VPS13C: variants seen among roughly 807,000 people sequenced by gnomAD.
VPS13C encodes intermembrane lipid transfer protein VPS13C.
A neutral mutation model predicts 456.8 loss-of-function variants in VPS13C; 358 were observed. The ratio of observed to expected loss-of-function variants is 0.78; its 90% CI spans 0.72 to 0.86. The LOEUF is 0.86. Ranked by LOEUF, VPS13C falls within the 40% of genes least tolerant of loss-of-function variation. The probability of loss-of-function intolerance (pLI) is 0.00; values close to 1 mark genes in which losing one functional copy is unlikely to be tolerated. For missense variants in VPS13C, 4,818 were observed against 4,385.4 expected (o/e 1.10, Z -2.79); for synonymous variants, 1,578 against 1,486.7 (o/e 1.06, Z -1.41).
At position 61,890,175 on chromosome 15, in the gene VPS13C, C is replaced by T; in HGVS notation, c.9331G>A (p.Gly3111Arg). The change falls in exon 67 of 85, where the codon GGG becomes AGG. Residue 3111 changes from glycine to arginine, a missense_variant. Transcript: ENST00000644861. Reference protein sequence around the residue: ...NESKQEVSYIGITSSGVVWEV... With the variant: ...NESKQEVSYIRITSSGVVWEV... ...TTCCTTCTTGCATACCTGGTTATCC[C>T]AATATAGGAAACTTCCTGCTTGCTT... is the stretch of plus-strand genomic sequence containing the variant. The T allele has an allele frequency of 6.2e-7, 1 of 1,613,930 alleles. No homozygotes were observed.
chr15:62,055,140 G>A (rs1304620859), intron 1 of VPS13C, among the ~76,000 whole-genome samples: 2 of 152,178 alleles, frequency 1.3e-5, no homozygotes, highest in Non-Finnish European at 2.9e-5. Context: ...ACAATGGTAG[G>A]CTGTGTTTGC....
intron 18 of VPS13C, among the ~76,000 whole-genome samples, chr15:61,985,952 GC>G (rs111693445): frequency 1.6e-4 from 24 of 152,048 alleles, no homozygotes; most frequent in African/African-American, 5.5e-4. Context: ...ACATTCTTTT[GC>G]CTGGGACCCT....
intron 21 of VPS13C, 103 bp from the exon 22 acceptor site, chr15:61,981,581 T>G: frequency 1.6e-6 from 2 of 1,245,838 alleles, no homozygotes; most frequent in South Asian, 3.5e-5. Flanking sequence ...GTATTACAGG[T>G]CGGGTGCGGT....
rs187121516 is a variant in VPS13C at position 61,858,788 on chromosome 15, G to A, written c.10953-2379C>T. 9.9e-3 allele frequency among the ~76,000 whole-genome samples: 1,504 copies of A among 152,304 alleles called. 19 individuals carry two copies. Among genetic ancestry groups the A allele is most frequent in the Middle Eastern group, 0.048 (14 of 292 alleles). ...AAGAGCAGCTCGCTGGCTGACAGAG[G>A]TCAAAGAAACAGGGATCTTAGAATT... is the stretch of plus-strand genomic sequence containing the variant. On this transcript the variant is annotated intron_variant, in intron 82 of 84. Coordinates refer to ENST00000644861, the MANE Select transcript of VPS13C (RefSeq NM_020821.3). This position sits in a 1 kb window ranked among gnomAD's most constrained non-coding sequence, Gnocchi z 4.4.
At chr15:61,954,634 T>G in intron 37 of VPS13C, 80 bp from the exon 38 acceptor site, 2 of 1,396,956 alleles carry the variant, frequency 1.4e-6, no homozygotes, top group Non-Finnish European at 9.5e-7. Flanking sequence ...ATATGAGTAT[T>G]CTGGACCTGG....
intron 45 of VPS13C, among the ~76,000 whole-genome samples, chr15:61,943,723 G>A (rs756165774): frequency 1.1e-4 from 17 of 151,878 alleles, no homozygotes; most frequent in Middle Eastern, 6.8e-3. Flanking sequence ...TCTAGATATC[G>A]GCTCTGGGAA....
chr15:61,959,080 A>G (rs1419845628), intron 36 of VPS13C, among the ~76,000 whole-genome samples: 1 of 152,048 alleles, frequency 6.6e-6, no homozygotes, highest in Non-Finnish European at 1.5e-5. Flanking sequence ...TTCCAATGAA[A>G]TAAAATGGTT....
intron 66 of VPS13C, among the ~76,000 whole-genome samples, chr15:61,898,393 A>C (rs1340639638): frequency 6.6e-6 from 1 of 151,804 alleles, no homozygotes. Context: ...GCTCAAAATA[A>C]AAGGATGGAG....
intron 2 of VPS13C, 104 bp downstream of exon 2, chr15:62,044,108 T>A: frequency 2.8e-6 from 2 of 705,102 alleles, no homozygotes; most frequent in Non-Finnish European, 4.6e-6. Flanking sequence ...CTTGAGTGAT[T>A]CCATCACTTT....
chr15:61,889,154 T>C (rs1051342879), intron 67 of VPS13C, among the ~76,000 whole-genome samples: 47 of 152,110 alleles, frequency 3.1e-4, no homozygotes, highest in Admixed American at 2.7e-3. Context: ...TAAATAAAGG[T>C]AAACCTGACA....
chr15:61,934,968 G>A (rs1159605680), intron 48 of VPS13C, among the ~76,000 whole-genome samples: 3 of 152,094 alleles, frequency 2.0e-5, no homozygotes, highest in Non-Finnish European at 2.9e-5. Context: ...GGCCAGGCAG[G>A]TCTCGATCTC....
rs1192903382 is a variant in VPS13C, at chr15:62,010,561, T to C, written c.922A>G (p.Asn308Asp). 1.2e-6 allele frequency: 2 copies of C among 1,613,116 alleles called. No homozygotes were observed. Among genetic ancestry groups the C allele is most frequent in the African/African-American group, 1.3e-5 (1 of 75,016 alleles). Residue 308 changes from asparagine (N) to aspartate (D), a missense_variant, in exon 13 of 85, where the codon AAT (asparagine) becomes GAT (aspartate). Physicochemically the swap from Asn to Asp is conservative, Grantham distance 23. This residue lies in a region of VPS13C where 4,552 missense variants were observed against 4,130.6 expected (regional missense o/e 1.10). Coordinates refer to ENST00000644861, the MANE Select transcript of VPS13C (RefSeq NM_020821.3). The part of the protein sequence containing the change: ...PISASAKLYM[N>D]PYAESELKTP... ...TTGAGCTCTGATTCTGCATAAGGAT[T>C]CATGTAGAGTTTTGCAGAGGCTGAT...
intron 62 of VPS13C, among the ~76,000 whole-genome samples, chr15:61,912,822 G>A (rs540359030): frequency 2.5e-4 from 31 of 121,950 alleles, no homozygotes; most frequent in Non-Finnish European, 4.3e-4. Context: ...TCCCCAGAGT[G>A]TGATGTTCCC....
chr15:61,923,994 T>C (rs1051424509), intron 53 of VPS13C, among the ~76,000 whole-genome samples: 1 of 144,370 alleles, frequency 6.9e-6, no homozygotes, highest in South Asian at 2.3e-4. Context: ...GCCTCCCAAG[T>C]AGCTGGGACT....
At chr15:61,941,218 A>C (rs1479030441) in intron 46 of VPS13C, among the ~76,000 whole-genome samples, 2 of 152,160 alleles carry the variant, frequency 1.3e-5, no homozygotes, top group African/African-American at 4.8e-5. Flanking sequence ...AACTCAACTA[A>C]TCTAAAAGTT....
Position 61,958,695 on chromosome 15 carries a change from G to A in VPS13C, c.4078C>T (p.Leu1360Phe). 6.5e-7 allele frequency: 1 copy of A among 1,542,102 alleles called. No individual in the cohort carries two copies. The highest frequency in any genetic ancestry group is 2.4e-5 in the East Asian group (1 of 42,550). ...GTTAGTATCCTAAATAAAAGATTAA[G>A]ATCTTCTTGATTTAGACTAACCTGT... is the stretch of plus-strand genomic sequence containing the variant. ...SMNVSLNQED[L>F]NLLFRILTEN... Residue 1360 changes from leucine to phenylalanine, a missense_variant, in exon 37 of 85, where the codon CTT (leucine) becomes TTT (phenylalanine). Transcript: ENST00000644861.
intron 3 of VPS13C, among the ~76,000 whole-genome samples, chr15:62,040,934 G>C (rs1414919708): frequency 2.6e-5 from 4 of 152,070 alleles, no homozygotes; most frequent in Non-Finnish European, 5.9e-5. Flanking sequence ...AGTGAAAATG[G>C]TTGAACAAAA....
intron 63 of VPS13C, among the ~76,000 whole-genome samples, chr15:61,910,956 C>T (rs115630378): frequency 0.011 from 1,715 of 152,178 alleles, 39 homozygotes; most frequent in African/African-American, 0.039. Flanking sequence ...TAAGCACTTA[C>T]TTGTTGCTGA....
At chr15:61,925,173 C>G (rs2043805353) in intron 53 of VPS13C, among the ~76,000 whole-genome samples, 1 of 151,920 alleles carries the variant, frequency 6.6e-6, no homozygotes, top group South Asian at 2.1e-4. Context: ...TATCTCTTCC[C>G]TCCTCCAACT....
Sources: gnomAD v4.1 joint callset for allele counts (sites outside exome capture counted in the v4.1 genomes callset) on GRCh38, gnomAD v4.1.1 for gene constraint, gnomAD v4.1.1 regional missense constraint, Gnocchi (gnomAD v3.1) non-coding constraint, MANE v1.5 for transcripts, NCBI Gene and HGNC (gene_info 2026-07-23, HGNC 2026-07-21) for gene names.